The following COP1 variants were observed in gnomAD, a reference collection of about 807,000 sequenced individuals.
The protein encoded by COP1 is COP1 E3 ubiquitin ligase.
COP1 carries 24 observed loss-of-function variants against 101.3 expected under a neutral mutation model. That is an observed-to-expected ratio of 0.24 (90% confidence interval 0.17 to 0.33). The LOEUF is 0.33. Ranked by LOEUF, COP1 falls within the 10% of genes least tolerant of loss-of-function variation. COP1 has a pLI of 1.00. For missense variants in COP1, 663 were observed against 906.2 expected (o/e 0.73, Z 3.45); for synonymous variants, 347 against 341.9 (o/e 1.01, Z -0.17).
At chr1:176,004,724 C>CT (rs1662659139) in intron 15 of COP1, among the ~76,000 whole-genome samples, 1 of 148,464 alleles carries the variant, frequency 6.7e-6, no homozygotes, top group Admixed American at 6.8e-5. Flanking sequence ...GGTGGATAAG[C>CT]TTTTTGATGT....
intron 10 of COP1, among the ~76,000 whole-genome samples, chr1:176,084,646 T>TCAAA (rs1004085377): frequency 3.3e-5 from 5 of 152,162 alleles, no homozygotes; most frequent in African/African-American, 7.2e-5. Context: ...GTTGTTAATT[T>TCAAA]CAAACAAACA....
chr1:176,124,410 C>A (rs1211077409), intron 8 of COP1, among the ~76,000 whole-genome samples: 1 of 145,824 alleles, frequency 6.9e-6, no homozygotes, highest in African/African-American at 2.6e-5. Flanking sequence ...ACCTCCCCTG[C>A]CCCCCAGCCC....
At chr1:176,206,311 A>C (rs1444465644) in intron 1 of COP1, 6 of 480,756 alleles carry the variant, frequency 1.2e-5, no homozygotes, top group Non-Finnish European at 2.2e-5. Flanking sequence ...GTCATTCGTT[A>C]AACTCCCTTC....
chr1:176,078,661 A>G (rs1678524825), intron 11 of COP1, among the ~76,000 whole-genome samples: 2 of 151,836 alleles, frequency 1.3e-5, no homozygotes, highest in Non-Finnish European at 2.9e-5. Context: ...TAATTAAATT[A>G]AAGAGCTTCT....
intron 11 of COP1, among the ~76,000 whole-genome samples, chr1:176,071,749 G>GT (rs1345808683): frequency 1.3e-5 from 2 of 152,074 alleles, no homozygotes; most frequent in Non-Finnish European, 2.9e-5. Flanking sequence ...GCTTCTAGAC[G>GT]TAAGTTCTAC....
intron 3 of COP1, among the ~76,000 whole-genome samples, chr1:176,169,565 TTAAG>T (rs1200761299): frequency 1.1e-4 from 17 of 152,350 alleles, no homozygotes; most frequent in African/African-American, 3.8e-4. Context: ...ATACCGTAGT[TTAAG>T]TATTATGTCT....
rs1385846306 is a variant in COP1, at chr1:176,163,001, AAAG to A, written c.643-16_643-14del. ...ACCTGTGGCCATTCTAAAAATGAAG[AAAG>A]AAGAAACACAACAACTTCCTATGAA... On this transcript the variant is annotated splice_polypyrimidine_tract_variant and intron_variant, in intron 4 of 19. Coordinates refer to ENST00000367669, the MANE Select transcript of COP1 (RefSeq NM_022457.7). 4 of 1,589,406 alleles carry A rather than the reference AAAG, an allele frequency of 2.5e-6. No homozygotes were observed. The highest frequency in any genetic ancestry group is 3.4e-6 in the Non-Finnish European group (4 of 1,171,382).
intron 14 of COP1, among the ~76,000 whole-genome samples, chr1:176,033,429 A>AAATAAT (rs892584384): frequency 6.6e-6 from 1 of 151,838 alleles, no homozygotes; most frequent in Non-Finnish European, 1.5e-5. Context: ...CTCTGTCTCA[A>AAATAAT]AATAATAATA....
chr1:176,123,835 C>T (rs1207718437), intron 8 of COP1, among the ~76,000 whole-genome samples: 1 of 152,084 alleles, frequency 6.6e-6, no homozygotes, highest in Non-Finnish European at 1.5e-5. Context: ...AGAATTTATT[C>T]AAAAACATGT....
chr1:176,013,625 T>C (rs1281714418), intron 15 of COP1, among the ~76,000 whole-genome samples: 1 of 152,186 alleles, frequency 6.6e-6, no homozygotes, highest in African/African-American at 2.4e-5. Context: ...CAAATGTATT[T>C]CAACTCACCA....
chr1:176,194,084 A>G (rs2102179492), intron 1 of COP1, among the ~76,000 whole-genome samples: 1 of 152,328 alleles, frequency 6.6e-6, no homozygotes, highest in East Asian at 1.9e-4. Flanking sequence ...GTAGAACACA[A>G]AAAGTTTAAA....
intron 9 of COP1, among the ~76,000 whole-genome samples, chr1:176,106,442 TAGTTTATA>T (rs144556672): frequency 0.058 from 8,903 of 152,252 alleles, 377 homozygotes; most frequent in Middle Eastern, 0.12. Flanking sequence ...TCAGAAATTA[TAGTTTATA>T]AGTTTATAAG....
intron 14 of COP1, among the ~76,000 whole-genome samples, chr1:176,034,926 T>C (rs1258045927): frequency 6.6e-6 from 1 of 152,184 alleles, no homozygotes; most frequent in African/African-American, 2.4e-5. Flanking sequence ...CTAAGCCAAC[T>C]GATCACCTAC....
chr1:176,000,869 T>C (rs970023046), intron 15 of COP1, among the ~76,000 whole-genome samples: 3 of 152,080 alleles, frequency 2.0e-5, no homozygotes, highest in African/African-American at 7.2e-5. Context: ...CTGGGGATTA[T>C]AATTGGCATG....
intron 11 of COP1, among the ~76,000 whole-genome samples, chr1:176,056,027 A>G (rs1673416307): frequency 2.0e-5 from 3 of 152,102 alleles, no homozygotes; most frequent in African/African-American, 7.2e-5. Context: ...TCTGATACAC[A>G]GAAATTTCAT....
At chr1:176,110,039 C>T (rs1311165435) in intron 9 of COP1, among the ~76,000 whole-genome samples, 2 of 152,136 alleles carry the variant, frequency 1.3e-5, no homozygotes, top group Non-Finnish European at 2.9e-5. Flanking sequence ...TTTTAACACA[C>T]AGGTACTCAG....
chr1:175,957,917 C>CA (rs1650881174), intron 18 of COP1, among the ~76,000 whole-genome samples: 1 of 151,912 alleles, frequency 6.6e-6, no homozygotes, highest in Non-Finnish European at 1.5e-5. Context: ...GAGCCAGGTG[C>CA]AAAAAATTAC....
intron 18 of COP1, among the ~76,000 whole-genome samples, chr1:175,960,044 A>G (rs2148530480): frequency 6.6e-6 from 1 of 152,298 alleles, no homozygotes. Context: ...AAGCCTCTTC[A>G]TCACCTAAGA....
rs1328721604 is a variant in COP1, at chr1:176,081,216, C to T, written c.1213G>A (p.Val405Ile). The T allele has an allele frequency of 1.2e-6, 2 of 1,610,458 alleles. No homozygotes were observed. Among genetic ancestry groups the T allele is most frequent in the Admixed American group, 3.3e-5 (2 of 59,764 alleles). ...TATGACAATGTGGCTAAAGGTCGTA[C>T]TGAATTATATCGAGTAAACTTGGAC... ...CLSKFTRYNS[V>I]RPLATLSYAS... Residue 405 changes from valine to isoleucine, a missense_variant, in exon 11 of 20, where the codon GTA (valine) becomes ATA (isoleucine). Physicochemically the swap from Val to Ile is conservative, Grantham distance 29. This residue lies in a region of COP1 where 212 missense variants were observed against 240.7 expected (regional missense o/e 0.88). Transcript: ENST00000367669.
Sources: gnomAD v4.1 joint callset for allele counts (sites outside exome capture counted in the v4.1 genomes callset) on GRCh38, gnomAD v4.1.1 for gene constraint, gnomAD v4.1.1 regional missense constraint, MANE v1.5 for transcripts, NCBI Gene and HGNC (gene_info 2026-07-23, HGNC 2026-07-21) for gene names.